Variants in FAM200B observed in about 807,000 individuals in gnomAD.
The protein encoded by FAM200B is protein FAM200B.
FAM200B carries 32 observed loss-of-function variants against 33.1 expected under a neutral mutation model. The ratio of observed to expected loss-of-function variants is 0.97; its 90% CI spans 0.73 to 1.30. The LOEUF (loss-of-function observed/expected upper bound fraction) is 1.30, where lower values mean the gene tolerates loss of function less well. Ranked by LOEUF, FAM200B falls within the 50% of genes most tolerant of loss-of-function variation. The pLI, the probability that FAM200B is intolerant of heterozygous loss-of-function variation, is 0.00. For missense variants in FAM200B, 741 were observed against 754.0 expected (o/e 0.98, Z 0.20); for synonymous variants, 240 against 264.8 (o/e 0.91, Z 0.91).
chr4:15,678,444 TCC>T (rs1463093951), upstream of FAM200B, among the ~76,000 whole-genome samples: 1 of 152,186 alleles, frequency 6.6e-6, no homozygotes, highest in Non-Finnish European at 1.5e-5. Flanking sequence ...CACTTGATTT[TCC>T]CCAAGTGAAG....
the FAM200B span, among the ~76,000 whole-genome samples, chr4:15,664,579 C>T: frequency 8.3e-5 from 7 of 84,462 alleles, no homozygotes; most frequent in Admixed American, 5.5e-4. Context: ...TTTTTTGAGA[C>T]GGAGTTTCAC....
At chr4:15,655,756 T>G in the FAM200B span, among the ~76,000 whole-genome samples, 3 of 152,172 alleles carry the variant, frequency 2.0e-5, no homozygotes, top group Non-Finnish European at 4.4e-5. Context: ...CGACGCCTGC[T>G]TGGCCTGGGT....
At chr4:15,655,328 G>C in the FAM200B span, 1 of 1,348,740 alleles carries the variant, frequency 7.4e-7, no homozygotes, top group Non-Finnish European at 9.8e-7. Flanking sequence ...CGCGGCCGCC[G>C]CCTCTCCATA....
the FAM200B span, chr4:15,638,792 A>G: frequency 1.4e-6 from 1 of 695,286 alleles, no homozygotes; most frequent in Admixed American, 3.6e-5. Context: ...TCGTATTATG[A>G]CCATATATCT....
chr4:15,640,989 AT>A, the FAM200B span: 1 of 547,684 alleles, frequency 1.8e-6, no homozygotes, highest in African/African-American at 2.1e-5. Context: ...GGAAAAAAAA[AT>A]AGACAAATTG....
At chr4:15,660,649 G>T in the FAM200B span, among the ~76,000 whole-genome samples, 83 of 152,158 alleles carry the variant, frequency 5.5e-4, no homozygotes, top group African/African-American at 2.0e-3. Flanking sequence ...GTAAAGACTT[G>T]GTCTGGGACA....
chr4:15,657,271 A>C, the FAM200B span, among the ~76,000 whole-genome samples: 1 of 152,224 alleles, frequency 6.6e-6, no homozygotes, highest in Non-Finnish European at 1.5e-5. Flanking sequence ...CTCCATGAGA[A>C]CATGCACTTT....
At chr4:15,658,197 T>TAATA in the FAM200B span, among the ~76,000 whole-genome samples, 1 of 152,246 alleles carries the variant, frequency 6.6e-6, no homozygotes, top group African/African-American at 2.4e-5. Flanking sequence ...GCACTTTCCC[T>TAATA]AATAGGGGAT....
the FAM200B span, chr4:15,655,102 A>T: frequency 1.1e-6 from 1 of 936,304 alleles, no homozygotes; most frequent in Non-Finnish European, 1.4e-6. Flanking sequence ...CGGCGACGGC[A>T]CGGGGCTGCG....
the FAM200B span, among the ~76,000 whole-genome samples, chr4:15,649,545 A>G: frequency 6.9e-6 from 1 of 145,750 alleles, no homozygotes; most frequent in East Asian, 2.0e-4. Flanking sequence ...ACACCACTGC[A>G]CTCCAGCCTG....
intron 1 of FAM200B, among the ~76,000 whole-genome samples, chr4:15,683,266 G>A (rs962131546): frequency 2.6e-5 from 4 of 151,120 alleles, no homozygotes; most frequent in South Asian, 2.1e-4. Flanking sequence ...TTTCTACTTC[G>A]GCCTCTTACT....
chr4:15,649,236 G>A, the FAM200B span, among the ~76,000 whole-genome samples: 2 of 151,792 alleles, frequency 1.3e-5, no homozygotes, highest in Non-Finnish European at 2.9e-5. Context: ...CACATGAAAA[G>A]TGCAAACATT....
the FAM200B span, among the ~76,000 whole-genome samples, chr4:15,675,784 T>C: frequency 6.6e-6 from 1 of 151,996 alleles, no homozygotes; most frequent in African/African-American, 2.4e-5. Flanking sequence ...GGTTTCACCA[T>C]GTTAACCAAG....
the FAM200B span, chr4:15,655,367 G>T: frequency 2.7e-6 from 3 of 1,114,238 alleles, no homozygotes; most frequent in South Asian, 9.1e-5. Context: ...CAGAGGCGGC[G>T]CGCCCCCTTG....
the FAM200B span, among the ~76,000 whole-genome samples, chr4:15,647,309 C>T: frequency 7.0e-6 from 1 of 143,002 alleles, no homozygotes; most frequent in East Asian, 2.1e-4. Context: ...CAACTACATA[C>T]ATAGCATTTT....
At chr4:15,670,150 A>C in the FAM200B span, among the ~76,000 whole-genome samples, 1 of 152,182 alleles carries the variant, frequency 6.6e-6, no homozygotes, top group Admixed American at 6.5e-5. Flanking sequence ...TATGTGTTCC[A>C]TTGTATTCCA....
the FAM200B span, among the ~76,000 whole-genome samples, chr4:15,649,690 A>G: frequency 6.6e-6 from 1 of 152,064 alleles, no homozygotes; most frequent in African/African-American, 2.4e-5. Context: ...GCCTTCACAT[A>G]TAGACTTTAT....
At chr4:15,670,583 T>C in the FAM200B span, among the ~76,000 whole-genome samples, 1 of 152,342 alleles carries the variant, frequency 6.6e-6, no homozygotes, top group African/African-American at 2.4e-5. Context: ...GGGATGCATA[T>C]ATAGCCAGTG....
At chr4:15,678,960 T>TA (rs532023934), upstream of FAM200B, among the ~76,000 whole-genome samples, 2 of 151,718 alleles carry the variant, frequency 1.3e-5, no homozygotes, top group East Asian at 1.9e-4. Context: ...TCAGCAGAAA[T>TA]AAAAAACAAA....
Sources: allele counts gnomAD v4.1 joint callset (sites outside exome capture counted in the v4.1 genomes callset), GRCh38; gene constraint gnomAD v4.1.1; transcripts MANE v1.5; gene names NCBI Gene and HGNC (gene_info 2026-07-23, HGNC 2026-07-21).